The following CHD6 variants were observed in gnomAD, a reference collection of about 807,000 sequenced individuals.
CHD6 encodes the protein ATP-dependent chromatin remodeler CHD6.
A neutral mutation model predicts 276.9 loss-of-function variants in CHD6; 50 were observed. The ratio of observed to expected loss-of-function variants is 0.18; its 90% CI spans 0.14 to 0.23. The LOEUF is 0.23. CHD6 is among the 10% of genes least tolerant of loss of function. CHD6 has a pLI of 1.00. For synonymous variants in CHD6, 1,173 were observed against 1,229.3 expected (o/e 0.95, Z 0.96); for missense variants, 2,564 against 3,365.8 (o/e 0.76, Z 5.89).
intron 1 of CHD6, among the ~76,000 whole-genome samples, chr20:41,566,921 T>C (rs34857473): frequency 2.4e-4 from 37 of 152,104 alleles, no homozygotes; most frequent in Non-Finnish European, 4.1e-4. Context: ...CTAAAGCAAA[T>C]AGCATCATGA....
At chr20:41,466,260 GGACA>G (rs1233559300) in intron 17 of CHD6, among the ~76,000 whole-genome samples, 5 of 152,058 alleles carry the variant, frequency 3.3e-5, no homozygotes, top group Admixed American at 3.3e-4. Flanking sequence ...GGTAGGGAAG[GGACA>G]GACAAAGACA....
At chr20:41,445,628 C>G in intron 25 of CHD6, 37 bp downstream of exon 25, 1 of 1,400,108 alleles carries the variant, frequency 7.1e-7, no homozygotes, top group Non-Finnish European at 1.0e-6. Flanking sequence ...CTGGGGGAAA[C>G]TGATACAGAA....
intron 10 of CHD6, among the ~76,000 whole-genome samples, chr20:41,493,053 CAAT>C (rs1274190024): frequency 6.6e-6 from 1 of 152,088 alleles, no homozygotes; most frequent in African/African-American, 2.4e-5. Context: ...CAAATAAATT[CAAT>C]AATGTTTATC....
chr20:41,495,208 G>A (rs1449982939), intron 8 of CHD6, among the ~76,000 whole-genome samples: 1 of 152,170 alleles, frequency 6.6e-6, no homozygotes, highest in Non-Finnish European at 1.5e-5. Flanking sequence ...CAAGCTAAGT[G>A]TCCATCAAGG....
chr20:41,488,512 G>C lies in CHD6; in HGVS notation c.1773C>G (p.His591Gln), dbSNP rs903367515. ...CTTCATCAATTATCACACAGCTCCA[G>C]TGAATCTTCTTCAACTCTGGGCAGT... ...LADCPELKKI[H>Q]WSCVIIDEAH... Residue 591 changes from histidine (H) to glutamine (Q), a missense_variant, in exon 13 of 37, where the codon CAC becomes CAG. By Grantham distance (24) the His-to-Gln change is conservative (BLOSUM62 0). This residue lies in a region of CHD6 where 457 missense variants were observed against 889.0 expected (regional missense o/e 0.51). Transcript: ENST00000373233. 1 of 1,613,946 alleles carries C rather than the reference G, an allele frequency of 6.2e-7. No homozygotes were observed. Among genetic ancestry groups the C allele is most frequent in the Admixed American group, 1.7e-5 (1 of 60,018 alleles).
Position 41,549,471 on chromosome 20 carries a change from C to T in CHD6, c.33+1834G>A, listed in dbSNP as rs1472511749. Among the ~76,000 whole-genome samples the T allele has an allele frequency of 5.8e-5, 7 of 121,002 alleles. No homozygotes were observed. The East Asian group carries it at 1.5e-3, about 27-fold the overall frequency. 79.4% of individuals were successfully genotyped at this position (121,002 alleles called of 152,430 possible). On this transcript the variant is annotated intron_variant, in intron 2 of 36. Coordinates refer to ENST00000373233, the MANE Select transcript of CHD6 (RefSeq NM_032221.5). ...GAACACATGGACACAGGAAGGGGAA[C>T]ATCACACTCCGGAGACTGTTGTGGG... is the stretch of plus-strand genomic sequence containing the variant.
chr20:41,451,421 T>C (rs897921355), intron 22 of CHD6, among the ~76,000 whole-genome samples: 2 of 152,134 alleles, frequency 1.3e-5, no homozygotes, highest in Non-Finnish European at 2.9e-5. Context: ...AAAGGAACAT[T>C]TGACCTAAAA....
At chr20:41,589,357 GTT>G (rs1726454269) in intron 1 of CHD6, among the ~76,000 whole-genome samples, 1 of 152,164 alleles carries the variant, frequency 6.6e-6, no homozygotes, top group African/African-American at 2.4e-5. Flanking sequence ...AGTGTTGGAA[GTT>G]CTGGCCAGGG....
At chr20:41,413,552 A>C (rs777138667) in intron 34 of CHD6, 37 bp from the exon 35 acceptor site, 7 of 1,426,128 alleles carry the variant, frequency 4.9e-6, no homozygotes, top group South Asian at 1.4e-5. Flanking sequence ...TAATCACGAC[A>C]CAATGAAAAT....
At chr20:41,482,444 C>A in intron 16 of CHD6, 1 of 376,434 alleles carries the variant, frequency 2.7e-6, no homozygotes, top group Non-Finnish European at 5.3e-6. Context: ...TCTTTTAATC[C>A]TCTTGCTATA....
At chr20:41,605,288 C>G (rs1307406151) in intron 1 of CHD6, among the ~76,000 whole-genome samples, 1 of 152,140 alleles carries the variant, frequency 6.6e-6, no homozygotes, top group African/African-American at 2.4e-5. Context: ...ATAGAAAGGA[C>G]TATAAATCCT....
intron 6 of CHD6, among the ~76,000 whole-genome samples, chr20:41,498,930 C>T (rs1315936148): frequency 2.0e-5 from 3 of 151,892 alleles, no homozygotes; most frequent in African/African-American, 7.3e-5. Context: ...CGATGTTGGC[C>T]TCTCAAAGTG....
chr20:41,426,037 A>G, intron 28 of CHD6, 56 bp downstream of exon 28: 1 of 1,242,856 alleles, frequency 8.0e-7, no homozygotes, highest in Non-Finnish European at 1.2e-6. Context: ...AAACTCCACG[A>G]TAACTAACAA....
At chr20:41,477,926 T>C (rs1348145495) in intron 16 of CHD6, among the ~76,000 whole-genome samples, 1 of 152,148 alleles carries the variant, frequency 6.6e-6, no homozygotes, top group Non-Finnish European at 1.5e-5. Context: ...CTCTCTACTC[T>C]AGAAGATACT....
chr20:41,559,526 C>T (rs2045279194), intron 1 of CHD6, among the ~76,000 whole-genome samples: 1 of 152,186 alleles, frequency 6.6e-6, no homozygotes, highest in Admixed American at 6.5e-5. Context: ...ACCATTTCCT[C>T]TTCTTAAAAT....
rs558616871 is a variant in CHD6 at position 41,402,241 on chromosome 20, C to T, written c.*2352G>A. On this transcript the variant is annotated 3_prime_UTR_variant, in exon 37 of 37. Coordinates refer to ENST00000373233, the MANE Select transcript of CHD6 (RefSeq NM_032221.5). ...TTTGCTGAAGAGAGTTTAAATTTGG[C>T]TTTTGCTCTTGGAAACGTCAAAATA... is the stretch of plus-strand genomic sequence containing the variant. 3.6e-4 allele frequency: 79 copies of T among 221,118 alleles called. No individual in the cohort carries two copies. The East Asian group carries it at 5.1e-3, about 14-fold the overall frequency. 13.7% of individuals were successfully genotyped at this position (221,118 alleles called of 1,614,324 possible).
intron 1 of CHD6, among the ~76,000 whole-genome samples, chr20:41,594,426 C>T (rs1436885795): frequency 6.6e-6 from 1 of 152,238 alleles, no homozygotes; most frequent in Non-Finnish European, 1.5e-5. Flanking sequence ...TGCTCCACTT[C>T]ACACCTCCAC....
chr20:41,512,018 A>G (rs998713125), intron 5 of CHD6, among the ~76,000 whole-genome samples: 1 of 152,116 alleles, frequency 6.6e-6, no homozygotes, highest in African/African-American at 2.4e-5. Flanking sequence ...CCCAGGCTGG[A>G]GTATAATGAC....
At chr20:41,520,717 G>A (rs527722574) in intron 3 of CHD6, among the ~76,000 whole-genome samples, 6 of 152,030 alleles carry the variant, frequency 3.9e-5, no homozygotes, top group Admixed American at 1.3e-4. Context: ...TATAACTAAT[G>A]TTAAATGACA....
Sources: allele counts gnomAD v4.1 joint callset (sites outside exome capture counted in the v4.1 genomes callset), GRCh38; gene constraint gnomAD v4.1.1; regional missense constraint gnomAD v4.1.1; transcripts MANE v1.5; gene names NCBI Gene and HGNC (gene_info 2026-07-23, HGNC 2026-07-21).